Variants in ENTREP2 observed in about 807,000 individuals in gnomAD.
ENTREP2 encodes protein ENTREP2.
chr15:29,651,320 C>A, the ENTREP2 span, among the ~76,000 whole-genome samples: 1 of 152,196 alleles, frequency 6.6e-6, no homozygotes, highest in Non-Finnish European at 1.5e-5. Context: ...ACTCCTTCAA[C>A]CTAGATATTA....
At chr15:29,555,814 A>G in the ENTREP2 span, among the ~76,000 whole-genome samples, 2,599 of 152,274 alleles carry the variant, frequency 0.017, 80 homozygotes, top group African/African-American at 0.06. Context: ...TGGGTCCCCC[A>G]TGACCTGGGG....
At chr15:29,371,528 AC>A in the ENTREP2 span, among the ~76,000 whole-genome samples, 1 of 152,158 alleles carries the variant, frequency 6.6e-6, no homozygotes, top group African/African-American at 2.4e-5. Flanking sequence ...GATTAAAGAG[AC>A]CAGTTAACCT....
chr15:29,626,668 A>C, the ENTREP2 span, among the ~76,000 whole-genome samples: 2 of 152,128 alleles, frequency 1.3e-5, no homozygotes, highest in East Asian at 1.9e-4. Context: ...TATGCTTTTT[A>C]TTTTCTTTTC....
chr15:29,302,128 T>C, the ENTREP2 span, among the ~76,000 whole-genome samples: 2 of 152,218 alleles, frequency 1.3e-5, no homozygotes, highest in Admixed American at 1.3e-4. Flanking sequence ...GTGGCCCATT[T>C]TCACTCTTCA....
the ENTREP2 span, chr15:29,137,025 G>A: frequency 7.0e-7 from 1 of 1,427,134 alleles, no homozygotes; most frequent in Non-Finnish European, 9.1e-7. Flanking sequence ...GCAGCCGCGG[G>A]AGACCAACCT....
the ENTREP2 span, among the ~76,000 whole-genome samples, chr15:29,330,943 C>T: frequency 6.6e-6 from 1 of 152,140 alleles, no homozygotes; most frequent in Non-Finnish European, 1.5e-5. Context: ...CAGCCAACCA[C>T]ACCCCACCCC....
the ENTREP2 span, among the ~76,000 whole-genome samples, chr15:29,566,315 C>A: frequency 2.0e-5 from 3 of 151,842 alleles, no homozygotes; most frequent in East Asian, 5.9e-4. Context: ...CCTGCCACCA[C>A]GCCCAGCTAG....
chr15:29,489,114 G>T, the ENTREP2 span, among the ~76,000 whole-genome samples: 1 of 150,872 alleles, frequency 6.6e-6, no homozygotes, highest in African/African-American at 2.5e-5. Context: ...TTACTGTTAA[G>T]TTAATTTCAC....
chr15:29,483,164 G>A, the ENTREP2 span, among the ~76,000 whole-genome samples: 3 of 152,148 alleles, frequency 2.0e-5, no homozygotes, highest in Admixed American at 2.0e-4. Flanking sequence ...CAGGTTGTTT[G>A]CCCATTTTTT....
At chr15:29,146,878 T>A in the ENTREP2 span, among the ~76,000 whole-genome samples, 1 of 151,076 alleles carries the variant, frequency 6.6e-6, no homozygotes, top group Non-Finnish European at 1.5e-5. Context: ...GAGGTTGTGG[T>A]GAGCCGAGAT....
At chr15:29,297,229 A>C in the ENTREP2 span, among the ~76,000 whole-genome samples, 1 of 152,214 alleles carries the variant, frequency 6.6e-6, no homozygotes, top group Non-Finnish European at 1.5e-5. Flanking sequence ...CTAGAGAATA[A>C]GTTTCAGACA....
the ENTREP2 span, among the ~76,000 whole-genome samples, chr15:29,303,729 A>T: frequency 6.6e-6 from 1 of 150,776 alleles, no homozygotes; most frequent in Admixed American, 6.7e-5. Flanking sequence ...CCCATTTATA[A>T]GTGAGAACAT....
the ENTREP2 span, among the ~76,000 whole-genome samples, chr15:29,474,630 T>C: frequency 7.2e-5 from 11 of 152,044 alleles, no homozygotes; most frequent in African/African-American, 2.7e-4. Flanking sequence ...TCTTGGCTCA[T>C]GGCAACCTCC....
chr15:29,299,020 T>G, the ENTREP2 span, among the ~76,000 whole-genome samples: 1 of 152,064 alleles, frequency 6.6e-6, no homozygotes, highest in East Asian at 1.9e-4. Context: ...GTAATGTCCA[T>G]GGAAATAAAC....
At chr15:29,663,230 T>C in the ENTREP2 span, among the ~76,000 whole-genome samples, 1 of 151,454 alleles carries the variant, frequency 6.6e-6, no homozygotes, top group African/African-American at 2.4e-5. Flanking sequence ...ATAAATAGCA[T>C]GGTGGGGTGG....
the ENTREP2 span, among the ~76,000 whole-genome samples, chr15:29,634,005 C>G: frequency 1.6e-4 from 24 of 152,122 alleles, no homozygotes; most frequent in African/African-American, 5.8e-4. Flanking sequence ...GCTCACTGCT[C>G]GGGGTCTTAC....
the ENTREP2 span, among the ~76,000 whole-genome samples, chr15:29,640,108 C>A: frequency 6.6e-6 from 1 of 151,972 alleles, no homozygotes; most frequent in African/African-American, 2.4e-5. Context: ...AGTTGGCCAA[C>A]CTTTACCTAG....
chr15:29,467,701 C>A, the ENTREP2 span, among the ~76,000 whole-genome samples: 1 of 152,192 alleles, frequency 6.6e-6, no homozygotes, highest in African/African-American at 2.4e-5. Flanking sequence ...ACACGTTACT[C>A]TGAGGAAGTT....
chr15:29,266,166 GGAGT>G, the ENTREP2 span: 6 of 152,168 alleles, frequency 3.9e-5, no homozygotes, highest in African/African-American at 1.4e-4. Flanking sequence ...CACTCAAAAA[GGAGT>G]GAGAGCAAAA....
Sources: allele counts gnomAD v4.1 joint callset (sites outside exome capture counted in the v4.1 genomes callset), GRCh38; gene constraint gnomAD v4.1.1; transcripts MANE v1.5; gene names NCBI Gene and HGNC (gene_info 2026-07-23, HGNC 2026-07-21).